The following MCF2L2 variants were observed in gnomAD, a reference collection of about 807,000 sequenced individuals.
MCF2L2 encodes the protein MCF.2 cell line derived transforming sequence-like 2.
Under a neutral mutation model 150.2 loss-of-function variants are expected in MCF2L2, and 102 were observed. The observed-to-expected ratio is 0.68, with a 90% confidence interval of 0.58 to 0.80. MCF2L2 has a LOEUF of 0.80. MCF2L2 is among the 30% of genes least tolerant of loss of function. The pLI is 0.00. For synonymous variants in MCF2L2, 465 were observed against 491.3 expected (o/e 0.95, Z 0.71); for missense variants, 1,256 against 1,372.8 (o/e 0.91, Z 1.34).
In MCF2L2 at chr3:183,223,400, A is replaced by G; in HGVS notation, c.2247T>C (p.Phe749=). Residue 749 remains phenylalanine, a synonymous_variant, in exon 20 of 30, where the codon TTT becomes TTC. Transcript: ENST00000328913. ...QRQLDHNLPL[F]KYLKGPSQRL... is the part of the protein sequence containing the mutation. ...TCTGGCTTGGTCCTTTGAGATACTTAAAAAGAGGGAGATTGTGATCCAGTT... is the reference window on the plus strand; with the variant it reads ...TCTGGCTTGGTCCTTTGAGATACTTGAAAAGAGGGAGATTGTGATCCAGTT... 1 of 1,614,198 alleles carries G rather than the reference A, an allele frequency of 6.2e-7. No homozygotes were observed. Among genetic ancestry groups the G allele is most frequent in the Non-Finnish European group, 8.5e-7 (1 of 1,180,002 alleles).
In MCF2L2 at chr3:183,181,368, C is replaced by T. The variant is rs965374845; in HGVS notation, c.3017-1209G>A. On this transcript the variant is annotated intron_variant, in intron 27 of 29. Coordinates refer to ENST00000328913, the MANE Select transcript of MCF2L2 (RefSeq NM_015078.4). The surrounding 1 kb of genome is among the most constrained non-coding windows in gnomAD (Gnocchi z 4.3). ...CCTCCCTGGAGGCCCCTCTGAAATC[C>T]TGCCTGACTCTGGCAGGCTCCGAGG... Among the ~76,000 whole-genome samples, 1 of 152,080 alleles carries T rather than the reference C, an allele frequency of 6.6e-6. No individual in the cohort carries two copies. The highest frequency in any genetic ancestry group is 1.5e-5 in the Non-Finnish European group (1 of 68,002).
chr3:183,316,163 G>C (rs1032701180), intron 7 of MCF2L2, among the ~76,000 whole-genome samples: 21 of 152,268 alleles, frequency 1.4e-4, no homozygotes, highest in African/African-American at 5.1e-4. Context: ...CCTGGACCCT[G>C]CTTTCAGCAA....
At chr3:183,222,613 CTTGTTTTTGTTT>C (rs373581618) in intron 20 of MCF2L2, among the ~76,000 whole-genome samples, 2 of 151,950 alleles carry the variant, frequency 1.3e-5, no homozygotes, top group Admixed American at 1.3e-4. Flanking sequence ...ACAGTAGGTG[CTTGTTTTTGTTT>C]TTGTTTTTGT....
chr3:183,356,940 A>G (rs1577087833), intron 3 of MCF2L2, among the ~76,000 whole-genome samples: 1 of 152,248 alleles, frequency 6.6e-6, no homozygotes, highest in Admixed American at 6.5e-5. Flanking sequence ...TGGGAGAATA[A>G]GAAATAGTTC....
rs929271996 is a variant in MCF2L2 at position 183,262,366 on chromosome 3, G to C, written c.1862+14506C>G. Reference sequence around the variant, plus strand: ...AGCAGGACAGGGATTAGGGGAGTCAGGTGAGGCAGGGCTGTATAAGTGCAG... The same window carrying C: ...AGCAGGACAGGGATTAGGGGAGTCACGTGAGGCAGGGCTGTATAAGTGCAG... On this transcript the variant is annotated intron_variant, in intron 15 of 29. Transcript: ENST00000328913. Among the ~76,000 whole-genome samples the C allele has an allele frequency of 2.6e-5, 4 of 152,278 alleles. No individual in the cohort carries two copies. In the South Asian group the frequency reaches 8.3e-4, roughly 32 times the overall value.
chr3:183,254,014 C>G (rs1329304451), intron 15 of MCF2L2: 1 of 152,154 alleles, frequency 6.6e-6, no homozygotes, highest in East Asian at 1.9e-4. Context: ...GCTGGGCTCC[C>G]TGGGTCTCCA....
At position 183,297,039 on chromosome 3, in the gene MCF2L2, G is replaced by A. The variant is rs377627854; in HGVS notation, c.1434C>T (p.Tyr478=). 3.1e-6 allele frequency: 5 copies of A among 1,614,084 alleles called. No individual in the cohort carries two copies. The highest frequency in any genetic ancestry group is 4.2e-6 in the Non-Finnish European group (5 of 1,180,014). The stretch of plus-strand genomic sequence containing the variant: ...AAAACTCCTTGGGGCTGAGCAACGG[G>A]TACTCCTTGACTGTGCCCAGGAATG... ...IATFLGTVKE[Y]PLLSPKEFYN... The change falls in exon 12 of 30, where the codon TAC becomes TAT. Residue 478 remains tyrosine, a synonymous_variant. Coordinates refer to ENST00000328913, the MANE Select transcript of MCF2L2 (RefSeq NM_015078.4).
chr3:183,278,161 G>A (rs148149468), intron 14 of MCF2L2, among the ~76,000 whole-genome samples: 3,869 of 151,154 alleles, frequency 0.026, 173 homozygotes, highest in African/African-American at 0.086. Context: ...TCCAGTCTGG[G>A]CGACACAGTG....
chr3:183,192,339 A>C (rs1465132012), intron 27 of MCF2L2, among the ~76,000 whole-genome samples: 2 of 151,960 alleles, frequency 1.3e-5, no homozygotes, highest in Non-Finnish European at 2.9e-5. Flanking sequence ...AGGTTTCACC[A>C]TCTTGGCCAG....
chr3:183,228,098 T>G (rs1723415345), intron 18 of MCF2L2, 199 bp downstream of exon 18: 9 of 542,804 alleles, frequency 1.7e-5, no homozygotes, highest in Non-Finnish European at 3.0e-5. Context: ...TTTCACAGGG[T>G]GTAAGTATAT....
At chr3:183,199,860 AGTGAGAACACACG>A (rs2108641128) in intron 25 of MCF2L2, among the ~76,000 whole-genome samples, 1 of 142,898 alleles carries the variant, frequency 7.0e-6, no homozygotes, top group Non-Finnish European at 1.5e-5. Context: ...CCCACCTATG[AGTGAGAACACACG>A]GTGTTTGGTT....
chr3:183,369,371 T>G (rs1712725771), intron 3 of MCF2L2, among the ~76,000 whole-genome samples: 1 of 152,198 alleles, frequency 6.6e-6, no homozygotes, highest in African/African-American at 2.4e-5. Context: ...ACAGAGTGGT[T>G]CTGGCCAGTC....
intron 15 of MCF2L2, among the ~76,000 whole-genome samples, chr3:183,245,359 A>C (rs1188802966): frequency 6.6e-6 from 1 of 152,194 alleles, no homozygotes; most frequent in East Asian, 1.9e-4. Context: ...TGCCATGAGG[A>C]GTAAACTCCA....
At chr3:183,273,651 G>A (rs1357790105) in intron 15 of MCF2L2, among the ~76,000 whole-genome samples, 1 of 152,172 alleles carries the variant, frequency 6.6e-6, no homozygotes, top group African/African-American at 2.4e-5. Flanking sequence ...CCATGAAATT[G>A]TAATGGAACT....
chr3:183,331,249 T>G (rs1376621935), intron 5 of MCF2L2, among the ~76,000 whole-genome samples: 1 of 152,192 alleles, frequency 6.6e-6, no homozygotes, highest in Non-Finnish European at 1.5e-5. Context: ...AGAACTCCAG[T>G]AAACGCTCTG....
At chr3:183,207,363 TG>T (rs1030387550) in intron 23 of MCF2L2, among the ~76,000 whole-genome samples, 14 of 152,352 alleles carry the variant, frequency 9.2e-5, no homozygotes, top group African/African-American at 3.4e-4. Flanking sequence ...CTAATTAGTT[TG>T]TCCAGACTGG....
At chr3:183,390,706 G>A (rs1714092059) in intron 1 of MCF2L2, among the ~76,000 whole-genome samples, 1 of 152,164 alleles carries the variant, frequency 6.6e-6, no homozygotes, top group African/African-American at 2.4e-5. Context: ...AGACCAGCCT[G>A]GTCAACAGAG....
In MCF2L2 at chr3:183,267,517, CAG is replaced by C. The variant is rs1465972233; in HGVS notation, c.1862+9353_1862+9354del. Among the ~76,000 whole-genome samples, 7 of 152,210 alleles carry C rather than the reference CAG, an allele frequency of 4.6e-5. No homozygotes were observed. Among genetic ancestry groups the C allele is most frequent in the Non-Finnish European group, 8.8e-5 (6 of 68,030 alleles). On this transcript the variant is annotated intron_variant, in intron 15 of 29. Transcript: ENST00000328913. This position sits in a 1 kb window ranked among gnomAD's most constrained non-coding sequence, Gnocchi z 5.5. ...TCAGTGTGTACAGTTGGTTTTCTAT[CAG>C]GGGTCAACCGGCGGGGGGACTTGAG...
In MCF2L2 at chr3:183,311,567, C is replaced by G; in HGVS notation, c.878+81G>C. The G allele has an allele frequency of 1.3e-6, 2 of 1,516,640 alleles. 1 individual carries two copies. Among genetic ancestry groups the G allele is most frequent in the South Asian group, 2.5e-5 (2 of 80,728 alleles). 93.9% of individuals were successfully genotyped at this position (1,516,640 alleles called of 1,614,324 possible). A position where few individuals can be genotyped will look rare whatever the true frequency, so the allele number is the denominator to read the frequency against. On this transcript the variant is annotated intron_variant, in intron 8 of 29. Transcript: ENST00000328913. ...CCACCAAGACCCAATATTGGCTGTTCCAATCTGTTCTTGGTTGCTCCAGAA... is the reference window on the plus strand; with the variant it reads ...CCACCAAGACCCAATATTGGCTGTTGCAATCTGTTCTTGGTTGCTCCAGAA...
Sources: gnomAD v4.1 joint callset for allele counts (sites outside exome capture counted in the v4.1 genomes callset) on GRCh38, gnomAD v4.1.1 for gene constraint, Gnocchi (gnomAD v3.1) non-coding constraint, MANE v1.5 for transcripts, NCBI Gene and HGNC (gene_info 2026-07-23, HGNC 2026-07-21) for gene names.